The following XKR4 variants were observed in gnomAD, a reference collection of about 807,000 sequenced individuals.
XKR4 encodes XK-related protein 4.
A neutral mutation model predicts 53.9 loss-of-function variants in XKR4; 12 were observed. The observed-to-expected ratio is 0.22, with a 90% CI of 0.14 to 0.36. The LOEUF is 0.36. XKR4 is among the 10% of genes least tolerant of loss of function. XKR4 has a pLI of 1.00. For missense variants in XKR4, 799 were observed against 859.5 expected (o/e 0.93, Z 0.88); for synonymous variants, 354 against 362.4 (o/e 0.98, Z 0.26).
intron 1 of XKR4, among the ~76,000 whole-genome samples, chr8:55,194,153 G>A (rs978685791): frequency 1.3e-5 from 2 of 152,238 alleles, no homozygotes; most frequent in African/African-American, 4.8e-5. Context: ...TCTCTGATGA[G>A]TCAGAGAAAG....
In XKR4 at chr8:55,383,773, T is replaced by C. The variant is rs553153451; in HGVS notation, c.1006+25896T>C. Among the ~76,000 whole-genome samples the C allele has an allele frequency of 4.2e-4, 64 of 152,242 alleles. 2 individuals are homozygous for C. The highest frequency in any genetic ancestry group is 3.9e-3 in the Admixed American group (59 of 15,294). On this transcript the variant is annotated intron_variant, in intron 2 of 2. Transcript: ENST00000327381. ...AGAAGATTGGGTAGATCCTTTATTATCCCAATGTCACTTATAAGGAAACAG... is the reference window on the plus strand; with the variant it reads ...AGAAGATTGGGTAGATCCTTTATTACCCCAATGTCACTTATAAGGAAACAG...
intron 1 of XKR4, among the ~76,000 whole-genome samples, chr8:55,231,620 C>T (rs555565466): frequency 2.3e-4 from 33 of 143,876 alleles, no homozygotes; most frequent in Non-Finnish European, 4.6e-5. Context: ...AAGGGATGAT[C>T]GATCATATTT....
chr8:55,450,853 G>A, intron 2 of XKR4: 1 of 480,358 alleles, frequency 2.1e-6, no homozygotes, highest in Non-Finnish European at 4.0e-6. Flanking sequence ...CAGCACGGAG[G>A]AACTTGAGTC....
At chr8:55,437,611 A>T (rs956221548) in intron 2 of XKR4, among the ~76,000 whole-genome samples, 1 of 152,132 alleles carries the variant, frequency 6.6e-6, no homozygotes, top group Non-Finnish European at 1.5e-5. Context: ...CGTAGCAAAC[A>T]CTCATTGAGT....
chr8:55,453,914 A>T, intron 2 of XKR4: 1 of 628,020 alleles, frequency 1.6e-6, no homozygotes, highest in Non-Finnish European at 3.0e-6. Context: ...AGCAAAGGCC[A>T]TGCCCTCCAG....
chr8:55,471,883 G>A (rs1805890106), intron 2 of XKR4, among the ~76,000 whole-genome samples: 1 of 152,132 alleles, frequency 6.6e-6, no homozygotes, highest in Non-Finnish European at 1.5e-5. Context: ...AGAAGCAGAT[G>A]CTGGCACCAC....
At chr8:55,441,215 G>C (rs1805259599) in intron 2 of XKR4, among the ~76,000 whole-genome samples, 1 of 151,872 alleles carries the variant, frequency 6.6e-6, no homozygotes, top group African/African-American at 2.4e-5. Context: ...ACTACAGCCT[G>C]GGTGACAGGG....
intron 2 of XKR4, among the ~76,000 whole-genome samples, chr8:55,440,835 G>A (rs1243628898): frequency 6.6e-6 from 1 of 151,780 alleles, no homozygotes; most frequent in Non-Finnish European, 1.5e-5. Flanking sequence ...AAAACCTAAG[G>A]ATTCAAAAAG....
intron 2 of XKR4, among the ~76,000 whole-genome samples, chr8:55,438,419 C>T (rs1284667629): frequency 6.6e-6 from 1 of 151,278 alleles, no homozygotes; most frequent in Admixed American, 6.6e-5. Context: ...AACCCCGTCT[C>T]TATTAAAAAA....
intron 1 of XKR4, among the ~76,000 whole-genome samples, chr8:55,140,378 C>A (rs1816686516): frequency 6.6e-6 from 1 of 152,164 alleles, no homozygotes; most frequent in African/African-American, 2.4e-5. Context: ...TCTCCTGATG[C>A]CACATGTGAC....
chr8:55,449,185 A>ATTTATTTATTTAT (rs1805386812), intron 2 of XKR4, among the ~76,000 whole-genome samples: 1 of 136,326 alleles, frequency 7.3e-6, no homozygotes, highest in Admixed American at 7.9e-5. Flanking sequence ...TATTTATTTT[A>ATTTATTTATTTAT]TTTTGCATTC....
chr8:55,430,310 A>G (rs1023680716), intron 2 of XKR4, among the ~76,000 whole-genome samples: 1 of 152,236 alleles, frequency 6.6e-6, no homozygotes, highest in African/African-American at 2.4e-5. Flanking sequence ...CACTTATGCT[A>G]GAGAAATTAA....
In XKR4 at chr8:55,149,576, GT is replaced by G. The variant is rs1816814698; in HGVS notation, c.806+46287del. Among the ~76,000 whole-genome samples, 5 of 152,306 alleles carry G rather than the reference GT, an allele frequency of 3.3e-5. No individual in the cohort carries two copies. The South Asian group carries it at 1.0e-3, about 32-fold the overall frequency. On this transcript the variant is annotated intron_variant, in intron 1 of 2. Transcript: ENST00000327381. ...AGAGTTTCTTGGCAGCACGGGGATGGTTTTTGATAACTAACAGGGTGATCGT... is the reference window on the plus strand; with the variant it reads ...AGAGTTTCTTGGCAGCACGGGGATGGTTTTGATAACTAACAGGGTGATCGT...
intron 1 of XKR4, among the ~76,000 whole-genome samples, chr8:55,305,733 T>C (rs1363689665): frequency 2.0e-5 from 3 of 152,190 alleles, no homozygotes; most frequent in Non-Finnish European, 4.4e-5. Context: ...ATTAGCCTAA[T>C]GAGGTTCTAG....
chr8:55,194,171 T>G (rs1423404462), intron 1 of XKR4, among the ~76,000 whole-genome samples: 1 of 152,206 alleles, frequency 6.6e-6, no homozygotes, highest in Non-Finnish European at 1.5e-5. Flanking sequence ...AAGAGTGGTT[T>G]CTTAGCCCAC....
intron 1 of XKR4, among the ~76,000 whole-genome samples, chr8:55,124,609 AG>A (rs765404968): frequency 1.7e-4 from 26 of 152,384 alleles, no homozygotes; most frequent in Non-Finnish European, 1.9e-4. Context: ...GTTGAGCTTC[AG>A]AGGAGCTTTC....
chr8:55,216,403 G>A lies in XKR4; in HGVS notation c.806+113109G>A, dbSNP rs2129364550. Among the ~76,000 whole-genome samples, 2 of 152,282 alleles carry A rather than the reference G, an allele frequency of 1.3e-5. 1 individual carries two copies. Among genetic ancestry groups the A allele is most frequent in the South Asian group, 4.1e-4 (2 of 4,822 alleles). ...AGAGTAATATTTTTATGAACTTAGGGTAGAGAAGGATTTTTAAAATATAAT... is the reference window on the plus strand; with the variant it reads ...AGAGTAATATTTTTATGAACTTAGGATAGAGAAGGATTTTTAAAATATAAT... On this transcript the variant is annotated intron_variant, in intron 1 of 2. Transcript: ENST00000327381.
chr8:55,420,903 T>A (rs1804919081), intron 2 of XKR4, among the ~76,000 whole-genome samples: 2 of 152,212 alleles, frequency 1.3e-5, no homozygotes, highest in South Asian at 2.1e-4. Context: ...CTTTATAGAT[T>A]GTGATTACTC....
At chr8:55,491,713 C>T (rs1443646888) in intron 2 of XKR4, among the ~76,000 whole-genome samples, 2 of 152,010 alleles carry the variant, frequency 1.3e-5, no homozygotes, top group South Asian at 2.1e-4. Context: ...CCAGGCTGGC[C>T]TGAGACTCCT....
Sources: allele counts gnomAD v4.1 joint callset (sites outside exome capture counted in the v4.1 genomes callset), GRCh38; gene constraint gnomAD v4.1.1; transcripts MANE v1.5; gene names NCBI Gene and HGNC (gene_info 2026-07-23, HGNC 2026-07-21).